Variants in PTPRD observed in about 807,000 individuals in gnomAD.
The protein encoded by PTPRD is protein tyrosine phosphatase receptor type D, also known as receptor-type tyrosine-protein phosphatase delta.
A neutral mutation model predicts 214.5 loss-of-function variants in PTPRD; 34 were observed. The ratio of observed to expected loss-of-function variants is 0.16; its 90% CI spans 0.12 to 0.21. PTPRD has a LOEUF of 0.21. Among genes scored for constraint, PTPRD ranks in the 10% least tolerant of loss-of-function variants. The pLI is 1.00. For missense variants in PTPRD, 2,545 were observed against 2,398.7 expected (o/e 1.06, Z -1.27); for synonymous variants, 1,128 against 845.7 (o/e 1.33, Z -5.79).
intron 11 of PTPRD, among the ~76,000 whole-genome samples, chr9:8,762,213 G>A (rs992122427): frequency 6.6e-6 from 1 of 152,098 alleles, no homozygotes; most frequent in Non-Finnish European, 1.5e-5. Flanking sequence ...CAATAGAACT[G>A]TATCATAACT....
intron 6 of PTPRD, among the ~76,000 whole-genome samples, chr9:9,742,212 T>G (rs2098410843): frequency 6.6e-6 from 1 of 152,180 alleles, no homozygotes; most frequent in South Asian, 2.1e-4. Context: ...TTTTGAGAAG[T>G]GTCTGTTCAA....
intron 36 of PTPRD, among the ~76,000 whole-genome samples, chr9:8,400,476 A>T (rs2092194237): frequency 6.6e-6 from 1 of 152,234 alleles, no homozygotes; most frequent in South Asian, 2.1e-4. Flanking sequence ...ATAAAATAGG[A>T]AATGAGATAG....
chr9:9,078,128 G>A (rs12238667), intron 10 of PTPRD, among the ~76,000 whole-genome samples: 14,314 of 151,622 alleles, frequency 0.094, 802 homozygotes, highest in East Asian at 0.17. Context: ...ATTGGCTTTG[G>A]AATACAAAAA....
At chr9:10,421,413 T>C (rs2098544695) in intron 2 of PTPRD, among the ~76,000 whole-genome samples, 2 of 152,062 alleles carry the variant, frequency 1.3e-5, no homozygotes, top group African/African-American at 2.4e-5. Context: ...GAAAACCATA[T>C]CCAGATAGAA....
At chr9:9,576,094 T>C (rs2088656987) in intron 7 of PTPRD, among the ~76,000 whole-genome samples, 1 of 152,182 alleles carries the variant, frequency 6.6e-6, no homozygotes, top group Admixed American at 6.6e-5. Flanking sequence ...GTCTTTTATG[T>C]CAATTCTTTA....
intron 11 of PTPRD, among the ~76,000 whole-genome samples, chr9:8,981,345 A>C (rs1272814107): frequency 2.0e-5 from 3 of 152,120 alleles, no homozygotes; most frequent in Non-Finnish European, 4.4e-5. Flanking sequence ...AAGGATTGTT[A>C]ATATGCTAGA....
chr9:10,066,249 A>G (rs780441464), intron 3 of PTPRD, among the ~76,000 whole-genome samples: 31 of 151,792 alleles, frequency 2.0e-4, no homozygotes, highest in Non-Finnish European at 1.8e-4. Flanking sequence ...CATTACCAAT[A>G]AAGCTTCACA....
intron 10 of PTPRD, among the ~76,000 whole-genome samples, chr9:9,079,571 A>C (rs566522498): frequency 6.6e-6 from 1 of 151,626 alleles, no homozygotes; most frequent in Admixed American, 6.6e-5. Flanking sequence ...AGGAACCTTC[A>C]TACTGTTCTC....
At chr9:10,351,048 C>T (rs10511545) in intron 2 of PTPRD, among the ~76,000 whole-genome samples, 35,932 of 151,876 alleles carry the variant, frequency 0.24, 4,402 homozygotes, top group South Asian at 0.31. Flanking sequence ...CTAAGATACA[C>T]AAAAGGAGGT....
At chr9:9,610,478 A>T (rs1328308659) in intron 7 of PTPRD, among the ~76,000 whole-genome samples, 1 of 152,204 alleles carries the variant, frequency 6.6e-6, no homozygotes, top group Non-Finnish European at 1.5e-5. Context: ...AGGAGCAAGG[A>T]TTCATATTTA....
intron 4 of PTPRD, among the ~76,000 whole-genome samples, chr9:9,969,894 T>G (rs1303970065): frequency 6.6e-6 from 1 of 152,214 alleles, no homozygotes; most frequent in African/African-American, 2.4e-5. Context: ...TACATTTTTC[T>G]CCTGGCCTCT....
At chr9:9,009,657 A>G (rs1197802312) in intron 11 of PTPRD, among the ~76,000 whole-genome samples, 1 of 152,060 alleles carries the variant, frequency 6.6e-6, no homozygotes, top group Non-Finnish European at 1.5e-5. Flanking sequence ...TAGAGTTAAT[A>G]TAATTTAGAT....
chr9:8,934,477 A>ATATATATATT (rs1567099970), intron 11 of PTPRD, among the ~76,000 whole-genome samples: 3 of 7,710 alleles, frequency 3.9e-4, no homozygotes, highest in Admixed American at 3.5e-3. Flanking sequence ...ATATATATAT[A>ATATATATATT]AATATATATA....
intron 2 of PTPRD, among the ~76,000 whole-genome samples, chr9:10,569,529 CTCTG>C (rs779095224): frequency 4.0e-3 from 602 of 151,600 alleles, no homozygotes; most frequent in Middle Eastern, 0.01. Flanking sequence ...CTCTCTCTCT[CTCTG>C]TGTGTATATA....
intron 2 of PTPRD, among the ~76,000 whole-genome samples, chr9:10,430,211 T>C (rs2098664742): frequency 6.6e-6 from 1 of 151,988 alleles, no homozygotes; most frequent in Non-Finnish European, 1.5e-5. Flanking sequence ...TTCCTTCTTA[T>C]AAAATGTTTT....
At chr9:10,111,470 C>T (rs989414164) in intron 3 of PTPRD, among the ~76,000 whole-genome samples, 1 of 150,852 alleles carries the variant, frequency 6.6e-6, no homozygotes, top group African/African-American at 2.4e-5. Context: ...GATCTCCTGA[C>T]CTCGTGATCC....
chr9:9,531,269 A>T (rs902530879), intron 8 of PTPRD, among the ~76,000 whole-genome samples: 1 of 152,172 alleles, frequency 6.6e-6, no homozygotes, highest in Non-Finnish European at 1.5e-5. Flanking sequence ...TCATATGACA[A>T]CATGGATGAG....
intron 2 of PTPRD, among the ~76,000 whole-genome samples, chr9:10,387,439 T>C (rs916834251): frequency 6.6e-6 from 1 of 151,836 alleles, no homozygotes; most frequent in Non-Finnish European, 1.5e-5. Context: ...TCAGAAGGCA[T>C]AGGTCTCCTC....
chr9:10,109,159 A>G (rs1029160633), intron 3 of PTPRD, among the ~76,000 whole-genome samples: 1 of 152,186 alleles, frequency 6.6e-6, no homozygotes, highest in Admixed American at 6.5e-5. Flanking sequence ...ACAGGAGGCT[A>G]AAAAGAGGTT....
Sources: allele counts gnomAD v4.1 joint callset (sites outside exome capture counted in the v4.1 genomes callset), GRCh38; gene constraint gnomAD v4.1.1; transcripts MANE v1.5; gene names NCBI Gene and HGNC (gene_info 2026-07-23, HGNC 2026-07-21).